CREG2: variants seen among roughly 807,000 people sequenced by gnomAD.
CREG2 encodes protein CREG2.
In CREG2, 24 loss-of-function variants were observed where a neutral mutation model predicts 26.2. The ratio of observed to expected loss-of-function variants is 0.92; its 90% CI spans 0.66 to 1.29. The LOEUF is 1.29. Ranked by LOEUF, CREG2 falls within the 50% of genes most tolerant of loss-of-function variation. The pLI is 0.00. For missense variants in CREG2, 366 were observed against 398.6 expected, an observed-to-expected ratio of 0.92 and a Z score of 0.70; for synonymous variants, 174 against 169.2, an observed-to-expected ratio of 1.03 and a Z score of -0.22.
rs2104467445 is a variant in CREG2, at chr2:101,350,612, C to T, written c.*311G>A. On this transcript the variant is annotated 3_prime_UTR_variant, in exon 4 of 4. Transcript: ENST00000324768. ...TTTTTTTTTTCCTTAAACAATGAAA[C>T]AACAATGATCTCAACATGTCATTTT... The T allele has an allele frequency of 4.5e-6, 1 of 222,032 alleles. No individual in the cohort carries two copies. Among genetic ancestry groups the T allele is most frequent in the East Asian group, 9.7e-5 (1 of 10,324 alleles). The allele number at this position is 222,032 out of a possible 1,614,324, so 13.8% of individuals were successfully genotyped here.
At chr2:101,361,335 T>C (rs2104473890) in intron 2 of CREG2, among the ~76,000 whole-genome samples, 1 of 152,288 alleles carries the variant, frequency 6.6e-6, no homozygotes, top group East Asian at 1.9e-4. Flanking sequence ...TTCCCTTACA[T>C]GGCAAAGAGG....
chr2:101,379,258 A>G (rs954267439), intron 2 of CREG2, among the ~76,000 whole-genome samples: 13 of 152,216 alleles, frequency 8.5e-5, no homozygotes, highest in African/African-American at 3.1e-4. Context: ...CAATGAAAAT[A>G]TCTGGAAAAA....
chr2:101,360,933 G>C (rs1487564662), intron 2 of CREG2, among the ~76,000 whole-genome samples: 1 of 152,134 alleles, frequency 6.6e-6, no homozygotes, highest in African/African-American at 2.4e-5. Flanking sequence ...AAAATTGTAA[G>C]AAGAAACTGA....
chr2:101,375,049 G>A (rs866469394), intron 2 of CREG2, among the ~76,000 whole-genome samples: 3 of 152,088 alleles, frequency 2.0e-5, no homozygotes, highest in Non-Finnish European at 2.9e-5. Flanking sequence ...CTGTTGATGT[G>A]TCTGCAGTAT....
intron 1 of CREG2, among the ~76,000 whole-genome samples, chr2:101,385,783 T>C (rs1684959689): frequency 6.6e-6 from 1 of 152,250 alleles, no homozygotes; most frequent in East Asian, 1.9e-4. Flanking sequence ...GGCAGTACAT[T>C]GTGTAAATGC....
rs990594589 is a variant in CREG2 at position 101,350,409 on chromosome 2, G to A, written c.*514C>T. ...ATGCATCTGCAATCCACCAGCAGGAGGAGTAATCCACGGACACACAGTCCT... is the reference window on the plus strand; with the variant it reads ...ATGCATCTGCAATCCACCAGCAGGAAGAGTAATCCACGGACACACAGTCCT... On this transcript the variant is annotated 3_prime_UTR_variant, in exon 4 of 4. Transcript: ENST00000324768. 6.5e-6 allele frequency: 1 copy of A among 152,890 alleles called. No individual in the cohort carries two copies. Among genetic ancestry groups the A allele is most frequent in the Admixed American group, 6.5e-5 (1 of 15,322 alleles). The allele number at this position is 152,890 out of a possible 1,614,324, so 9.5% of individuals were successfully genotyped here. A position where few individuals can be genotyped will look rare whatever the true frequency, so the allele number is the denominator to read the frequency against.
chr2:101,367,448 A>G (rs1183288437), intron 2 of CREG2, among the ~76,000 whole-genome samples: 1 of 152,206 alleles, frequency 6.6e-6, no homozygotes, highest in South Asian at 2.1e-4. Context: ...AAACATTTGT[A>G]TTATAAATAA....
In CREG2 at chr2:101,383,545, C is replaced by T; in HGVS notation, c.599G>A (p.Gly200Glu). 3 of 1,613,992 alleles carry T rather than the reference C, an allele frequency of 1.9e-6. No homozygotes were observed. Among genetic ancestry groups the T allele is most frequent in the Non-Finnish European group, 2.5e-6 (3 of 1,180,038 alleles). The change falls in exon 2 of 4, where the codon GGG becomes GAG. Residue 200 changes from glycine (G) to glutamate (E), a missense_variant. Physicochemically the swap from Gly to Glu is moderately conservative, Grantham distance 98. This residue lies in a region of CREG2 where 174 missense variants were observed against 178.2 expected (regional missense o/e 0.98). Coordinates refer to ENST00000324768, the MANE Select transcript of CREG2 (RefSeq NM_153836.4). ...MASLMLPESE[G>E]EFCRKNIVDP... Reference sequence around the variant, plus strand: ...AACCGTCGTCTACCTGCAGAACTCCCCTTCTGATTCTGGCAGCATCAGCGA... The same window carrying T: ...AACCGTCGTCTACCTGCAGAACTCCTCTTCTGATTCTGGCAGCATCAGCGA...
chr2:101,348,877 C>T lies in CREG2; in HGVS notation c.*2046G>A, dbSNP rs967630988. On this transcript the variant is annotated 3_prime_UTR_variant, in exon 4 of 4. Coordinates refer to ENST00000324768, the MANE Select transcript of CREG2 (RefSeq NM_153836.4). ...TAGAGATTTGCTGAAACACACTTGCCTGAATGGAGACCATCAAACTTAAAA... is the reference window on the plus strand; with the variant it reads ...TAGAGATTTGCTGAAACACACTTGCTTGAATGGAGACCATCAAACTTAAAA... The T allele has an allele frequency of 1.4e-4, 21 of 152,158 alleles. No individual in the cohort carries two copies. Among genetic ancestry groups the T allele is most frequent in the African/African-American group, 4.8e-4 (20 of 41,432 alleles). The allele number at this position is 152,158 out of a possible 1,614,324, so 9.4% of individuals were successfully genotyped here. A position where few individuals can be genotyped will look rare whatever the true frequency, so the allele number is the denominator to read the frequency against.
chr2:101,382,437 A>G (rs947870806), intron 2 of CREG2: 21 of 963,980 alleles, frequency 2.2e-5, no homozygotes, highest in Non-Finnish European at 2.5e-5. Flanking sequence ...GAAAAAAAAA[A>G]AAAAAGAGTA....
In CREG2 at chr2:101,383,669, C is replaced by A. The variant is rs138973393; in HGVS notation, c.475G>T (p.Val159Phe). ...CTATTGTTGAAGGGGCCATCACTGA[C>A]GGGCAGGCAGTTCCCAAATGGCAGT... ...QGLPFGNCLP[V>F]SDGPFNNSTG... is the part of the protein sequence containing the mutation. Residue 159 changes from valine to phenylalanine, a missense_variant, in exon 2 of 4, where the codon GTC becomes TTC. This residue lies in a region of CREG2 where 174 missense variants were observed against 178.2 expected (regional missense o/e 0.98). Transcript: ENST00000324768. 3 of 1,611,252 alleles carry A rather than the reference C, an allele frequency of 1.9e-6. No homozygotes were observed. Among genetic ancestry groups the A allele is most frequent in the Non-Finnish European group, 2.5e-6 (3 of 1,178,350 alleles).
At chr2:101,374,940 A>G (rs1684765979) in intron 2 of CREG2, among the ~76,000 whole-genome samples, 1 of 152,208 alleles carries the variant, frequency 6.6e-6, no homozygotes, top group Non-Finnish European at 1.5e-5. Flanking sequence ...AGTTGTGTGC[A>G]CTAAGGGTTT....
At position 101,355,312 on chromosome 2, in the gene CREG2, G is replaced by T. The variant is rs776595926; in HGVS notation, c.666C>A (p.Gly222=). The T allele has an allele frequency of 6.2e-7, 1 of 1,613,872 alleles. No individual in the cohort carries two copies. The highest frequency in any genetic ancestry group is 2.2e-5 in the East Asian group (1 of 44,892). ...CTTCTGGAGACACTGCGATCATCTG[G>T]CCAGTGAGCGTTAACTGGACACATC... is the stretch of plus-strand genomic sequence containing the variant. The part of the protein sequence containing the change: ...DPRCVQLTLT[G]QMIAVSPEEV... The change falls in exon 3 of 4, where the codon GGC becomes GGA. Residue 222 remains glycine (G), a synonymous_variant. Transcript: ENST00000324768.
At chr2:101,383,984 A>G (rs1163570791) in intron 1 of CREG2, among the ~76,000 whole-genome samples, 2 of 152,220 alleles carry the variant, frequency 1.3e-5, no homozygotes, top group Admixed American at 1.3e-4. Flanking sequence ...TGTGCATGGC[A>G]GATATACTCA....
At position 101,349,079 on chromosome 2, in the gene CREG2, G is replaced by A. The variant is rs543712626; in HGVS notation, c.*1844C>T. On this transcript the variant is annotated 3_prime_UTR_variant, in exon 4 of 4. Transcript: ENST00000324768. ...GAACCTGACTATAAACGCAAACCTAGCCAGGGGACCTTATCTGCAAGACAG... is the reference window on the plus strand; with the variant it reads ...GAACCTGACTATAAACGCAAACCTAACCAGGGGACCTTATCTGCAAGACAG... The A allele has an allele frequency of 1.3e-5, 2 of 152,690 alleles. No homozygotes were observed. Among genetic ancestry groups the A allele is most frequent in the East Asian group, 3.9e-4 (2 of 5,182 alleles). 9.5% of individuals were successfully genotyped at this position (152,690 alleles called of 1,614,324 possible). A position where few individuals can be genotyped will look rare whatever the true frequency, so the allele number is the denominator to read the frequency against.
intron 3 of CREG2, among the ~76,000 whole-genome samples, chr2:101,351,386 C>T (rs770037235): frequency 5.3e-5 from 8 of 152,292 alleles, no homozygotes; most frequent in South Asian, 2.1e-4. Flanking sequence ...TTACCTGTCA[C>T]GTGGAGTGAT....
chr2:101,355,924 C>T (rs747692611), intron 2 of CREG2, among the ~76,000 whole-genome samples: 4 of 152,160 alleles, frequency 2.6e-5, no homozygotes, highest in Admixed American at 6.5e-5. Context: ...AGCTCAGTGG[C>T]GAGTCAGGGT....
rs1042301714 is a variant in CREG2 at position 101,356,107 on chromosome 2, T to C, written c.612-741A>G. ...AGGAAGGTGATCTTTCCCTGAGGCC[T>C]GGCCATCTTCAGCCAGGCTCCTCTC... On this transcript the variant is annotated intron_variant, in intron 2 of 3. Transcript: ENST00000324768. Among the ~76,000 whole-genome samples, 6 of 152,298 alleles carry C rather than the reference T, an allele frequency of 3.9e-5. No homozygotes were observed. In the South Asian group the frequency reaches 1.2e-3, roughly 32 times the overall value.
chr2:101,361,606 G>A (rs1684540589), intron 2 of CREG2, among the ~76,000 whole-genome samples: 2 of 152,208 alleles, frequency 1.3e-5, no homozygotes, highest in African/African-American at 4.8e-5. Context: ...CAACGCCTTG[G>A]TGTTAATCTG....
Sources: gnomAD v4.1 joint callset for allele counts (sites outside exome capture counted in the v4.1 genomes callset) on GRCh38, gnomAD v4.1.1 for gene constraint, gnomAD v4.1.1 regional missense constraint, MANE v1.5 for transcripts, NCBI Gene and HGNC (gene_info 2026-07-23, HGNC 2026-07-21) for gene names.